Variants in GIGYF2 observed in about 807,000 individuals in gnomAD.
GIGYF2 encodes GRB10-interacting GYF protein 2.
Under a neutral mutation model 208.1 loss-of-function variants are expected in GIGYF2, and 25 were observed. The ratio of observed to expected loss-of-function variants is 0.12; its 90% confidence interval spans 0.09 to 0.17. The LOEUF is 0.17. Ranked by LOEUF, GIGYF2 falls within the 10% of genes least tolerant of loss-of-function variation. The pLI, the probability that GIGYF2 is intolerant of heterozygous loss-of-function variation, is 1.00. For missense variants in GIGYF2, 1,302 were observed against 1,579.4 expected (o/e 0.82, Z 2.98); for synonymous variants, 534 against 543.8 (o/e 0.98, Z 0.25).
intron 22 of GIGYF2, among the ~76,000 whole-genome samples, chr2:232,836,502 G>GTTAT (rs1411696033): frequency 2.2e-5 from 3 of 138,906 alleles, no homozygotes; most frequent in Non-Finnish European, 4.6e-5. Context: ...GGAGACAGAG[G>GTTAT]TTATAGTGGG....
intron 3 of GIGYF2, among the ~76,000 whole-genome samples, chr2:232,739,330 TCTGGACAACAAGC>T (rs1697871317): frequency 7.3e-6 from 1 of 136,874 alleles, no homozygotes; most frequent in Non-Finnish European, 1.5e-5. Flanking sequence ...TGCGCTCCAG[TCTGGACAACAAGC>T]CTGGGCAACA....
At chr2:232,774,547 A>G (rs1337560161) in intron 8 of GIGYF2, among the ~76,000 whole-genome samples, 1 of 152,230 alleles carries the variant, frequency 6.6e-6, no homozygotes, top group Non-Finnish European at 1.5e-5. Flanking sequence ...TACTGTCATT[A>G]TAAATAAAAT....
chr2:232,841,700 A>G (rs978928878), intron 23 of GIGYF2, among the ~76,000 whole-genome samples: 5 of 151,964 alleles, frequency 3.3e-5, no homozygotes, highest in African/African-American at 7.3e-5. Context: ...CACATTTCAC[A>G]TATTTCTTAC....
chr2:232,812,012 A>G (rs1700748122), intron 17 of GIGYF2, among the ~76,000 whole-genome samples: 1 of 152,254 alleles, frequency 6.6e-6, no homozygotes, highest in Non-Finnish European at 1.5e-5. Context: ...CAGGAAACTC[A>G]GAACTAAAAT....
At chr2:232,760,201 C>T (rs1029156789) in intron 6 of GIGYF2, 8 of 286,828 alleles carry the variant, frequency 2.8e-5, no homozygotes, top group Admixed American at 1.9e-4. Flanking sequence ...TTCAACTGTT[C>T]GTTAAAGAAC....
intron 12 of GIGYF2, among the ~76,000 whole-genome samples, chr2:232,792,564 C>A (rs1221689227): frequency 6.6e-6 from 1 of 152,030 alleles, no homozygotes; most frequent in Non-Finnish European, 1.5e-5. Flanking sequence ...ATAGCAATAG[C>A]AAGACCCCTG....
intron 9 of GIGYF2, among the ~76,000 whole-genome samples, chr2:232,788,994 C>A (rs1165733710): frequency 6.6e-6 from 1 of 152,082 alleles, no homozygotes; most frequent in Non-Finnish European, 1.5e-5. Flanking sequence ...CTGATTATAG[C>A]AGTTTTCATA....
At chr2:232,821,700 A>T (rs1437028151) in intron 21 of GIGYF2, among the ~76,000 whole-genome samples, 2 of 152,154 alleles carry the variant, frequency 1.3e-5, no homozygotes, top group Admixed American at 1.3e-4. Context: ...ATGAAATCCT[A>T]TTAAATTTGT....
rs151222301 is a variant in GIGYF2 at position 232,770,095 on chromosome 2, A to G, written c.532+8659A>G. On this transcript the variant is annotated intron_variant, in intron 8 of 28. Transcript: ENST00000373563. ...TTAATTGTATGCAAAGGACTGACCC[A>G]GTATAGGAACTCTTGTTGTAGAAGT... 6.0e-3 allele frequency among the ~76,000 whole-genome samples: 915 copies of G among 152,320 alleles called. 15 individuals are homozygous for G. The highest frequency in any genetic ancestry group is 0.021 in the African/African-American group (858 of 41,580).
chr2:232,855,080 C>CTTT (rs201395041), intron 28 of GIGYF2, among the ~76,000 whole-genome samples: 76 of 109,160 alleles, frequency 7.0e-4, no homozygotes, highest in Middle Eastern at 5.0e-3. Context: ...CTTTTTCTTT[C>CTTT]TTTTTTTTTT....
At chr2:232,833,652 C>T (rs1321842591) in intron 22 of GIGYF2, among the ~76,000 whole-genome samples, 1 of 152,190 alleles carries the variant, frequency 6.6e-6, no homozygotes, top group Non-Finnish European at 1.5e-5. Flanking sequence ...TCAGTAAACA[C>T]TGGAGTGCCT....
At chr2:232,766,092 G>T in intron 8 of GIGYF2, 1 of 453,904 alleles carries the variant, frequency 2.2e-6, no homozygotes, top group South Asian at 1.6e-5. Context: ...TCTTTCTATA[G>T]AAAACCTAAT....
intron 6 of GIGYF2, among the ~76,000 whole-genome samples, chr2:232,758,029 T>A (rs1168049145): frequency 6.6e-6 from 1 of 152,238 alleles, no homozygotes. Flanking sequence ...CTGAACTGAC[T>A]TGGTGTGAAA....
Position 232,856,955 on chromosome 2 carries a change from A to G in GIGYF2, c.*95A>G, listed in dbSNP as rs1690601810. The G allele has an allele frequency of 8.2e-6, 7 of 855,344 alleles. No individual in the cohort carries two copies. The highest frequency in any genetic ancestry group is 5.3e-5 in the South Asian group (4 of 75,868). 53.0% of individuals were successfully genotyped at this position (855,344 alleles called of 1,614,324 possible). A position where few individuals can be genotyped will look rare whatever the true frequency, so the allele number is the denominator to read the frequency against. ...ACTTACTCACCATTTACTCTTTATC[A>G]CTCTGCAACAAATCACAGAACCGAT... On this transcript the variant is annotated 3_prime_UTR_variant, in exon 29 of 29. Coordinates refer to ENST00000373563, the MANE Select transcript of GIGYF2 (RefSeq NM_001103146.3).
intron 9 of GIGYF2, among the ~76,000 whole-genome samples, chr2:232,789,640 A>G (rs1700012263): frequency 6.6e-6 from 1 of 151,870 alleles, no homozygotes; most frequent in African/African-American, 2.4e-5. Flanking sequence ...TTGTTTTCCA[A>G]TTTGATTTTT....
rs1701641339 is a variant in GIGYF2 at position 232,836,427 on chromosome 2, GT to G, written c.2766+3335del. Among the ~76,000 whole-genome samples the G allele has an allele frequency of 2.8e-5, 2 of 72,282 alleles. 1 individual carries two copies. Among genetic ancestry groups the G allele is most frequent in the Non-Finnish European group, 5.3e-5 (2 of 37,486 alleles). 47.4% of individuals were successfully genotyped at this position (72,282 alleles called of 152,430 possible). ...ATATATATAAATAAATTATTCAGGC[GT>G]GGTGATGTGTGCCTGTGGTCCTAGC... is the stretch of plus-strand genomic sequence containing the variant. On this transcript the variant is annotated intron_variant, in intron 22 of 28. Coordinates refer to ENST00000373563, the MANE Select transcript of GIGYF2 (RefSeq NM_001103146.3).
At chr2:232,712,926 G>A (rs1696493755) in intron 2 of GIGYF2, among the ~76,000 whole-genome samples, 1 of 152,092 alleles carries the variant, frequency 6.6e-6, no homozygotes, top group Admixed American at 6.6e-5. Context: ...TATAAGTTAG[G>A]ATGAGTTATA....
intron 22 of GIGYF2, among the ~76,000 whole-genome samples, chr2:232,837,794 A>G (rs769260156): frequency 9.2e-5 from 14 of 152,150 alleles, no homozygotes; most frequent in Non-Finnish European, 2.1e-4. Flanking sequence ...AATGATCTTC[A>G]CCAGTTTTGC....
intron 8 of GIGYF2, among the ~76,000 whole-genome samples, chr2:232,778,530 T>C (rs1236819637): frequency 6.6e-6 from 1 of 152,174 alleles, no homozygotes; most frequent in African/African-American, 2.4e-5. Flanking sequence ...TTAAAGTCAT[T>C]TCTGGTTGAA....
Sources: allele counts gnomAD v4.1 joint callset (sites outside exome capture counted in the v4.1 genomes callset), GRCh38; gene constraint gnomAD v4.1.1; transcripts MANE v1.5; gene names NCBI Gene and HGNC (gene_info 2026-07-23, HGNC 2026-07-21).